FBXL13: variants seen among roughly 807,000 people sequenced by gnomAD.
FBXL13 encodes the protein F-box and leucine-rich repeat protein 13.
FBXL13 carries 67 observed loss-of-function variants against 83.6 expected under a neutral mutation model. The observed-to-expected ratio is 0.80, with a 90% CI of 0.66 to 0.98. The LOEUF is 0.98. FBXL13 is among the 50% of genes least tolerant of loss of function. The probability of loss-of-function intolerance (pLI) is 0.00; values close to 1 mark genes in which losing one functional copy is unlikely to be tolerated. For missense variants in FBXL13, 822 were observed against 866.5 expected, an observed-to-expected ratio of 0.95 and a Z score of 0.64; for synonymous variants, 272 against 299.5, an observed-to-expected ratio of 0.91 and a Z score of 0.95.
chr7:103,026,588 A>G (rs7792008), intron 5 of FBXL13, among the ~76,000 whole-genome samples: 1,803 of 152,320 alleles, frequency 0.012, 35 homozygotes, highest in African/African-American at 0.041. Flanking sequence ...CCTATAGATT[A>G]TAAACTTCTA....
At chr7:102,944,554 C>T (rs774606975) in intron 8 of FBXL13, 2 of 1,613,066 alleles carry the variant, frequency 1.2e-6, no homozygotes, top group South Asian at 2.2e-5. Flanking sequence ...GGAAAAAAAA[C>T]ATAGAGATCA....
intron 17 of FBXL13, among the ~76,000 whole-genome samples, chr7:102,848,732 A>G (rs1033965086): frequency 1.3e-5 from 2 of 151,968 alleles, no homozygotes; most frequent in Non-Finnish European, 2.9e-5. Flanking sequence ...GGCGCCTCAC[A>G]CCCATAATTC....
At chr7:102,842,382 A>G (rs1400012186) in intron 17 of FBXL13, among the ~76,000 whole-genome samples, 2 of 152,270 alleles carry the variant, frequency 1.3e-5, no homozygotes, top group Admixed American at 6.5e-5. Flanking sequence ...ATGTTGCTAC[A>G]TGGAGCCAAC....
intron 6 of FBXL13, among the ~76,000 whole-genome samples, chr7:103,018,752 G>A (rs1398200723): frequency 6.6e-6 from 1 of 152,124 alleles, no homozygotes; most frequent in Non-Finnish European, 1.5e-5. Flanking sequence ...ATGGTCAAGG[G>A]ATCAATTCAA....
At chr7:102,925,557 T>C (rs568557603) in intron 10 of FBXL13, among the ~76,000 whole-genome samples, 4 of 151,826 alleles carry the variant, frequency 2.6e-5, no homozygotes, top group African/African-American at 7.2e-5. Flanking sequence ...TCCCTAGAGG[T>C]GGTGGGAGTC....
At chr7:102,970,464 T>C (rs970746779) in intron 6 of FBXL13, among the ~76,000 whole-genome samples, 1 of 152,200 alleles carries the variant, frequency 6.6e-6, no homozygotes, top group Non-Finnish European at 1.5e-5. Context: ...CCTTTGTAAA[T>C]GGATTTGATA....
At chr7:103,006,383 C>A (rs75948168) in intron 6 of FBXL13, among the ~76,000 whole-genome samples, 1,983 of 152,192 alleles carry the variant, frequency 0.013, 26 homozygotes, top group Non-Finnish European at 0.022. Flanking sequence ...ATACCAGGGA[C>A]CTGTAAGCTG....
intron 8 of FBXL13, among the ~76,000 whole-genome samples, chr7:102,954,461 C>T (rs919066000): frequency 6.6e-6 from 1 of 152,138 alleles, no homozygotes. Flanking sequence ...AAGACCATCA[C>T]TGCTATGAAG....
intron 5 of FBXL13, among the ~76,000 whole-genome samples, 164 bp from the exon 7 acceptor site, chr7:103,025,394 G>A (rs1018874356): frequency 2.0e-5 from 3 of 151,616 alleles, no homozygotes; most frequent in Non-Finnish European, 2.9e-5. Flanking sequence ...CATGTTTAAT[G>A]TTCTCTAAAC....
intron 1 of FBXL13, among the ~76,000 whole-genome samples, chr7:103,070,233 A>G (rs542757674): frequency 2.4e-4 from 36 of 152,146 alleles, no homozygotes; most frequent in Non-Finnish European, 4.4e-4. Flanking sequence ...TATTTATTTT[A>G]TTTATTTATT....
chr7:103,059,916 T>A (rs1797686469), intron 1 of FBXL13, among the ~76,000 whole-genome samples: 1 of 151,046 alleles, frequency 6.6e-6, no homozygotes, highest in African/African-American at 2.4e-5. Flanking sequence ...AAAAGGGGGA[T>A]AATAAAGGTT....
chr7:102,891,846 C>T (rs868342634), intron 11 of FBXL13, among the ~76,000 whole-genome samples: 20 of 152,306 alleles, frequency 1.3e-4, no homozygotes, highest in African/African-American at 3.1e-4. Flanking sequence ...CTAGAATACA[C>T]TAATTGGTTC....
intron 16 of FBXL13, among the ~76,000 whole-genome samples, chr7:102,871,366 G>C (rs1468179696): frequency 6.6e-6 from 1 of 151,680 alleles, no homozygotes; most frequent in Admixed American, 6.6e-5. Flanking sequence ...TCCTCCCAAA[G>C]CCAGATTTTA....
chr7:102,872,536 C>G lies in FBXL13; in HGVS notation c.1635+4931G>C, dbSNP rs117392910. ...CACTGTCTGGGACACTGCCGTGACT[C>G]ACTTTTCCTTTAAACAACAAATATG... is the stretch of plus-strand genomic sequence containing the variant. On this transcript the variant is annotated intron_variant, in intron 16 of 19. Transcript: ENST00000313221. Among the ~76,000 whole-genome samples, 3 of 152,338 alleles carry G rather than the reference C, an allele frequency of 2.0e-5. No homozygotes were observed. The East Asian group carries it at 5.8e-4, about 29-fold the overall frequency.
intron 14 of FBXL13, 148 bp from the exon 16 acceptor site, chr7:102,878,598 A>C: frequency 4.7e-6 from 2 of 424,238 alleles, no homozygotes; most frequent in Non-Finnish European, 8.1e-6. Context: ...TTAAAACCAA[A>C]TTTGATTATA....
intron 1 of FBXL13, among the ~76,000 whole-genome samples, chr7:103,058,813 T>C (rs776976414): frequency 5.3e-5 from 8 of 152,190 alleles, no homozygotes; most frequent in African/African-American, 1.2e-4. Flanking sequence ...ATGTGAGAAA[T>C]TGATTATATA....
intron 2 of FBXL13, among the ~76,000 whole-genome samples, chr7:103,043,661 G>T (rs1241750489): frequency 6.6e-6 from 1 of 152,110 alleles, no homozygotes; most frequent in Non-Finnish European, 1.5e-5. Flanking sequence ...ACAGGTGTGT[G>T]CTACCATGCC....
intron 6 of FBXL13, chr7:102,988,323 C>T (rs1204671055): frequency 2.0e-5 from 3 of 152,260 alleles, no homozygotes; most frequent in Non-Finnish European, 4.4e-5. Context: ...GATACTTGCA[C>T]TGGATGCTGC....
At chr7:103,035,097 C>T (rs1349170659) in intron 2 of FBXL13, among the ~76,000 whole-genome samples, 1 of 152,098 alleles carries the variant, frequency 6.6e-6, no homozygotes, top group African/African-American at 2.4e-5. Context: ...AAAGTGTGAC[C>T]AACCAGTGTG....
Sources: allele counts gnomAD v4.1 joint callset (sites outside exome capture counted in the v4.1 genomes callset), GRCh38; gene constraint gnomAD v4.1.1; transcripts MANE v1.5; gene names NCBI Gene and HGNC (gene_info 2026-07-23, HGNC 2026-07-21).